Variants in EPHA4 observed in about 807,000 individuals in gnomAD.
EPHA4 encodes EPH receptor A4.
EPHA4 carries 19 observed loss-of-function variants against 108.3 expected under a neutral mutation model. The ratio of observed to expected loss-of-function variants is 0.18; its 90% CI spans 0.12 to 0.26. EPHA4 has a LOEUF of 0.26. EPHA4 is among the 10% of genes least tolerant of loss of function. The pLI is 1.00. For synonymous variants in EPHA4, 449 were observed against 455.5 expected (o/e 0.99, Z 0.18); for missense variants, 917 against 1,254.0 (o/e 0.73, Z 4.06).
chr2:221,443,388 T>C (rs899951963), intron 10 of EPHA4, 105 bp downstream of exon 10: 1 of 788,828 alleles, frequency 1.3e-6, no homozygotes, highest in Non-Finnish European at 2.1e-6. Context: ...TTCATGTATA[T>C]ACACACATAT....
At chr2:221,431,040 C>G (rs3770205) in intron 14 of EPHA4, among the ~76,000 whole-genome samples, 1 of 151,914 alleles carries the variant, frequency 6.6e-6, no homozygotes, top group African/African-American at 2.4e-5. Context: ...TTTCTTATAG[C>G]CTTTTCTCTA....
chr2:221,465,715 G>GCCACA (rs1297845529), intron 5 of EPHA4, among the ~76,000 whole-genome samples: 2 of 152,118 alleles, frequency 1.3e-5, no homozygotes, highest in Admixed American at 1.3e-4. Flanking sequence ...AAGCCAGAGG[G>GCCACA]AGGTTAATGA....
chr2:221,532,269 C>T (rs1346103754), intron 3 of EPHA4, among the ~76,000 whole-genome samples: 1 of 151,990 alleles, frequency 6.6e-6, no homozygotes, highest in African/African-American at 2.4e-5. Context: ...ATTATAGGCA[C>T]GTGCTGCCAT....
intron 9 of EPHA4, among the ~76,000 whole-genome samples, chr2:221,445,030 T>G (rs547531427): frequency 1.3e-5 from 2 of 152,266 alleles, no homozygotes; most frequent in South Asian, 2.1e-4. Flanking sequence ...AGTGCTAGGA[T>G]TACAGGCATA....
At chr2:221,438,141 C>T (rs1336422685) in intron 11 of EPHA4, among the ~76,000 whole-genome samples, 1 of 151,912 alleles carries the variant, frequency 6.6e-6, no homozygotes, top group East Asian at 1.9e-4. Flanking sequence ...AATTTAAATT[C>T]AATACTAGAA....
intron 3 of EPHA4, among the ~76,000 whole-genome samples, chr2:221,561,198 C>T (rs998463810): frequency 6.6e-5 from 10 of 151,942 alleles, no homozygotes; most frequent in Non-Finnish European, 8.8e-5. Flanking sequence ...GCCAAGATCG[C>T]GCCACTGCAC....
chr2:221,574,188 A>G (rs894744710), upstream of EPHA4: 3 of 152,102 alleles, frequency 2.0e-5, no homozygotes, highest in African/African-American at 7.2e-5. Flanking sequence ...ACTTTTACAC[A>G]AGATGAGCAC....
At chr2:221,441,319 G>A (rs548673091) in intron 11 of EPHA4, among the ~76,000 whole-genome samples, 141 of 151,714 alleles carry the variant, frequency 9.3e-4, no homozygotes, top group African/African-American at 3.3e-3. Context: ...ATATGGACAG[G>A]CGGCAGGGAA....
chr2:221,456,766 T>C lies in EPHA4; in HGVS notation c.1450A>G (p.Asn484Asp), dbSNP rs1167402539. 1 of 1,613,620 alleles carries C rather than the reference T, an allele frequency of 6.2e-7. No individual in the cohort carries two copies. The highest frequency in any genetic ancestry group is 8.5e-7 in the Non-Finnish European group (1 of 1,179,732). ...YEVKYYEKDQ[N>D]ERSYRIVRTA... ...CGAACTATACGATAGCTTCGCTCAT[T>C]CTGATCCTACATCATGGCAAGATAA... The change falls in exon 7 of 18, where the codon AAT becomes GAT. Residue 484 changes from asparagine (N) to aspartate (D), a missense_variant. Asn to Asp is a conservative substitution (Grantham distance 23). Around this residue, in one of 3 missense-constraint regions of EPHA4, gnomAD observed 758 missense variants for 1,076.7 expected, o/e 0.70. Transcript: ENST00000281821.
chr2:221,565,650 C>G (rs1047461716), intron 2 of EPHA4, among the ~76,000 whole-genome samples: 5 of 152,102 alleles, frequency 3.3e-5, no homozygotes, highest in African/African-American at 1.2e-4. Context: ...TGTGAAGGAC[C>G]ATAAGCCATA....
chr2:221,437,855 CA>C (rs1447760236), intron 11 of EPHA4, among the ~76,000 whole-genome samples: 2 of 151,800 alleles, frequency 1.3e-5, no homozygotes, highest in African/African-American at 2.4e-5. Context: ...CTCGGGAGGC[CA>C]AGGTTGTAGT....
At chr2:221,548,144 G>A (rs1330575370) in intron 3 of EPHA4, among the ~76,000 whole-genome samples, 2 of 152,300 alleles carry the variant, frequency 1.3e-5, no homozygotes, top group East Asian at 3.9e-4. Context: ...TCCTCTTGGT[G>A]ATGACTGAGT....
At chr2:221,544,861 G>C (rs1482576605) in intron 3 of EPHA4, among the ~76,000 whole-genome samples, 1 of 152,194 alleles carries the variant, frequency 6.6e-6, no homozygotes, top group East Asian at 1.9e-4. Context: ...TTGCTCTCTC[G>C]ACTCTACCCT....
intron 3 of EPHA4, among the ~76,000 whole-genome samples, chr2:221,556,968 C>A (rs1418488296): frequency 6.6e-6 from 1 of 151,972 alleles, no homozygotes; most frequent in African/African-American, 2.4e-5. Flanking sequence ...ACATATCGTC[C>A]AAAGTTAAAG....
intron 5 of EPHA4, among the ~76,000 whole-genome samples, chr2:221,460,588 G>A (rs1039055382): frequency 6.6e-6 from 1 of 152,198 alleles, no homozygotes; most frequent in Admixed American, 6.5e-5. Flanking sequence ...TCTCTAGTAA[G>A]AAGGAGTTTG....
chr2:221,510,593 T>G (rs1319745879), intron 3 of EPHA4, among the ~76,000 whole-genome samples: 1 of 152,182 alleles, frequency 6.6e-6, no homozygotes, highest in Non-Finnish European at 1.5e-5. Context: ...ATCCCATAAA[T>G]AGGTGAGTAA....
chr2:221,538,485 G>T lies in EPHA4; in HGVS notation c.823+25246C>A, dbSNP rs140792633. On this transcript the variant is annotated intron_variant, in intron 3 of 17. Transcript: ENST00000281821. The stretch of plus-strand genomic sequence containing the variant: ...TTTATTCTTACTATTATAGTCAGTT[G>T]GATTTGCTGAAGTGAGATAAAAACT... Among the ~76,000 whole-genome samples, 358 of 152,226 alleles carry T rather than the reference G, an allele frequency of 2.4e-3. 1 individual carries two copies. The highest frequency in any genetic ancestry group is 7.7e-3 in the South Asian group (37 of 4,820).
At chr2:221,490,886 A>C (rs569497297) in intron 4 of EPHA4, among the ~76,000 whole-genome samples, 1 of 152,320 alleles carries the variant, frequency 6.6e-6, no homozygotes, top group South Asian at 2.1e-4. Flanking sequence ...TGTTTTAAAG[A>C]CATCCCTCCT....
chr2:221,568,181 G>A (rs190083667), intron 2 of EPHA4, among the ~76,000 whole-genome samples: 2 of 152,290 alleles, frequency 1.3e-5, no homozygotes, highest in East Asian at 3.9e-4. Flanking sequence ...CAGGCTTAGG[G>A]TTTTTTGGAC....
Sources: gnomAD v4.1 joint callset for allele counts (sites outside exome capture counted in the v4.1 genomes callset) on GRCh38, gnomAD v4.1.1 for gene constraint, gnomAD v4.1.1 regional missense constraint, MANE v1.5 for transcripts, NCBI Gene and HGNC (gene_info 2026-07-23, HGNC 2026-07-21) for gene names.